USP31: variants seen among roughly 807,000 people sequenced by gnomAD.
USP31 encodes the protein ubiquitin specific peptidase 31.
USP31 carries 44 observed loss-of-function variants against 119.4 expected under a neutral mutation model. The observed-to-expected ratio is 0.37, with a 90% confidence interval of 0.29 to 0.47. The LOEUF (loss-of-function observed/expected upper bound fraction) is 0.47. USP31 is among the 20% of genes least tolerant of loss of function. The probability of loss-of-function intolerance (pLI) is 0.99; values close to 1 mark genes in which losing one functional copy is unlikely to be tolerated. For missense variants in USP31, 1,643 were observed against 1,730.2 expected (o/e 0.95, Z 0.89); for synonymous variants, 749 against 705.6 (o/e 1.06, Z -0.97).
chr16:23,089,615 C>T lies in USP31; in HGVS notation c.1415+1009G>A, dbSNP rs1901263718. Among the ~76,000 whole-genome samples, 6 of 152,326 alleles carry T rather than the reference C, an allele frequency of 3.9e-5. No individual in the cohort carries two copies. In the South Asian group the frequency reaches 1.2e-3, roughly 32 times the overall value. ...TCAAAGCAAAATTTTCAAAGGCTAA[C>T]ATAAAGGCTATTCTAACAAATGTTA... On this transcript the variant is annotated intron_variant, in intron 7 of 15. Coordinates refer to ENST00000219689, the MANE Select transcript of USP31 (RefSeq NM_020718.4).
rs188910019 is a variant in USP31, at chr16:23,136,342, A to G, written c.633+12296T>C. On this transcript the variant is annotated intron_variant, in intron 1 of 15. Transcript: ENST00000219689. ...ACAGGCAACAAAAGAAAAACTAGAA[A>G]AAGTGGACGTCATCAAAATTAAAAA... Among the ~76,000 whole-genome samples the G allele has an allele frequency of 1.6e-4, 24 of 152,304 alleles. No homozygotes were observed. In the East Asian group the frequency reaches 3.5e-3, roughly 22 times the overall value.
chr16:23,128,549 T>C (rs1902936002), intron 1 of USP31, among the ~76,000 whole-genome samples: 1 of 152,212 alleles, frequency 6.6e-6, no homozygotes, highest in South Asian at 2.1e-4. Flanking sequence ...ATCAAGCTTT[T>C]ATCTAGCCTT....
chr16:23,090,898 T>G, intron 6 of USP31, 94 bp from the exon 7 acceptor site: 1 of 1,191,590 alleles, frequency 8.4e-7, no homozygotes, highest in Non-Finnish European at 1.1e-6. Flanking sequence ...AAATTTTTTT[T>G]AAAAATGTCA....
At chr16:23,091,057 G>A (rs1184349260) in intron 6 of USP31, among the ~76,000 whole-genome samples, 3 of 152,134 alleles carry the variant, frequency 2.0e-5, no homozygotes, top group Non-Finnish European at 4.4e-5. Flanking sequence ...GCACTTCAGT[G>A]AAGGTTAGAT....
intron 1 of USP31, among the ~76,000 whole-genome samples, chr16:23,120,578 T>C (rs538409178): frequency 1.3e-4 from 20 of 152,324 alleles, no homozygotes; most frequent in African/African-American, 4.8e-4. Context: ...TACAGCTACA[T>C]CCAGCGGCCT....
chr16:23,070,226 T>C (rs1368889464), intron 15 of USP31, among the ~76,000 whole-genome samples: 1 of 152,078 alleles, frequency 6.6e-6, no homozygotes, highest in Non-Finnish European at 1.5e-5. Context: ...AGAAATGAAG[T>C]CCTTGACCAA....
intron 1 of USP31, among the ~76,000 whole-genome samples, chr16:23,116,026 T>C (rs1902474666): frequency 6.6e-6 from 1 of 152,172 alleles, no homozygotes; most frequent in Non-Finnish European, 1.5e-5. Context: ...CGGTCACTGG[T>C]GATTTCCACC....
rs1011371194 is a variant in USP31 at position 23,149,153 on chromosome 16, C to A, written c.118G>T (p.Gly40Cys). 47 of 1,178,750 alleles carry A rather than the reference C, an allele frequency of 4.0e-5. No homozygotes were observed. The African/African-American group carries it at 6.8e-4, about 17-fold the overall frequency. 73.0% of individuals were successfully genotyped at this position (1,178,750 alleles called of 1,614,324 possible). A position where few individuals can be genotyped will look rare whatever the true frequency, so the allele number is the denominator to read the frequency against. Residue 40 changes from glycine to cysteine, a missense_variant, in exon 1 of 16, where the codon GGC becomes TGC. Transcript: ENST00000219689. ...SGRAGGGGAGGPGASGPAAPS... is the reference protein window; with the variant it reads ...SGRAGGGGAGCPGASGPAAPS... Reference sequence around the variant, plus strand: ...GCGGCCGGCCCGGACGCCCCGGGGCCCCCCGCGCCGCCGCCGCCAGCGCGG... The same window carrying A: ...GCGGCCGGCCCGGACGCCCCGGGGCACCCCGCGCCGCCGCCGCCAGCGCGG...
chr16:23,078,585 A>G (rs2141837182), intron 13 of USP31, among the ~76,000 whole-genome samples: 1 of 151,728 alleles, frequency 6.6e-6, no homozygotes, highest in East Asian at 1.9e-4. Context: ...CACTGCTCAC[A>G]CCTCCACCAC....
In USP31 at chr16:23,127,665, A is replaced by G. The variant is rs887757382; in HGVS notation, c.634-19482T>C. Among the ~76,000 whole-genome samples the G allele has an allele frequency of 2.5e-4, 35 of 138,610 alleles. 2 individuals are homozygous for G. The East Asian group carries it at 7.0e-3, about 28-fold the overall frequency. 90.9% of individuals were successfully genotyped at this position (138,610 alleles called of 152,430 possible). A position where few individuals can be genotyped will look rare whatever the true frequency, so the allele number is the denominator to read the frequency against. Reference sequence around the variant, plus strand: ...TAGTTTTTTTTTTTTTTTTTTGTAGAGACGGGGTTTCACCATCTTGGCCAG... The same window carrying G: ...TAGTTTTTTTTTTTTTTTTTTGTAGGGACGGGGTTTCACCATCTTGGCCAG... On this transcript the variant is annotated intron_variant, in intron 1 of 15. Transcript: ENST00000219689.
chr16:23,091,254 A>G (rs1182990455), intron 6 of USP31, among the ~76,000 whole-genome samples: 2 of 152,248 alleles, frequency 1.3e-5, no homozygotes, highest in Non-Finnish European at 2.9e-5. Flanking sequence ...TACACACTAC[A>G]CCTACTAGAC....
Position 23,068,884 on chromosome 16 carries a change from C to T in USP31, c.3221G>A (p.Arg1074His), listed in dbSNP as rs114633724. 5.3e-5 allele frequency: 84 copies of T among 1,596,164 alleles called. No individual in the cohort carries two copies. Among genetic ancestry groups the T allele is most frequent in the East Asian group, 4.5e-4 (20 of 44,722 alleles). ...VKVSLKPSRS[R>H]SKADSSSRGS... ...CCTGGAAGAAGAATCTGCTTTGCTG[C>T]GGGAGCGGGAGGGCTTTAGAGAGAC... is the stretch of plus-strand genomic sequence containing the variant. Residue 1074 changes from arginine to histidine, a missense_variant, in exon 16 of 16, where the codon CGC (arginine) becomes CAC (histidine). Physicochemically the swap from Arg to His is conservative, Grantham distance 29. Around this residue, in one of 5 missense-constraint regions of USP31, gnomAD observed 699 missense variants for 650.9 expected, o/e 1.07. Transcript: ENST00000219689.
chr16:23,082,361 C>A, intron 12 of USP31, 77 bp downstream of exon 12: 1 of 1,578,848 alleles, frequency 6.3e-7, no homozygotes, highest in Non-Finnish European at 8.6e-7. Flanking sequence ...CCAAAGAACC[C>A]TCACAGAGCC....
At chr16:23,070,858 A>G (rs527251147) in intron 15 of USP31, among the ~76,000 whole-genome samples, 12 of 152,352 alleles carry the variant, frequency 7.9e-5, no homozygotes, top group Middle Eastern at 3.4e-3. Context: ...TATAGAGCCT[A>G]AGAAACAGGC....
intron 9 of USP31, 86 bp downstream of exon 9, chr16:23,087,006 G>A: frequency 9.8e-7 from 1 of 1,025,034 alleles, no homozygotes; most frequent in Non-Finnish European, 1.4e-6. Flanking sequence ...GCACACTTAT[G>A]TGGAAATTAT....
At position 23,068,097 on chromosome 16, in the gene USP31, C is replaced by T. The variant is rs1900157908; in HGVS notation, c.4008G>A (p.Lys1336=). The part of the protein sequence containing the change: ...GRQSAEKSSK[K]LSSSMQTSAR... ...CAGAGGTTTGCATGCTAGAAGATAACTTTTTTGAGGATTTCTCTGCAGACT... is the reference window on the plus strand; with the variant it reads ...CAGAGGTTTGCATGCTAGAAGATAATTTTTTTGAGGATTTCTCTGCAGACT... Residue 1336 remains lysine, a synonymous_variant, in exon 16 of 16, where the codon AAG becomes AAA. Coordinates refer to ENST00000219689, the MANE Select transcript of USP31 (RefSeq NM_020718.4). 6.2e-7 allele frequency: 1 copy of T among 1,614,018 alleles called. No homozygotes were observed. Among genetic ancestry groups the T allele is most frequent in the African/African-American group, 1.3e-5 (1 of 74,912 alleles).
At chr16:23,081,589 A>G (rs1174122141) in intron 12 of USP31, among the ~76,000 whole-genome samples, 1 of 152,188 alleles carries the variant, frequency 6.6e-6, no homozygotes, top group Non-Finnish European at 1.5e-5. Flanking sequence ...TTATCTACAC[A>G]ATATCCAGAA....
chr16:23,112,302 G>C (rs923824392), intron 1 of USP31, among the ~76,000 whole-genome samples: 1 of 152,150 alleles, frequency 6.6e-6, no homozygotes, highest in African/African-American at 2.4e-5. Context: ...AAACGGCCCG[G>C]ACATGGTGGC....
In USP31 at chr16:23,063,180, G is replaced by C. The variant is rs936195851; in HGVS notation, c.*4866C>G. ...TAAAAGAATCTTGAGGAAAATACATGTGTGAGATTCAAAAAAGTCTCTCAA... is the reference window on the plus strand; with the variant it reads ...TAAAAGAATCTTGAGGAAAATACATCTGTGAGATTCAAAAAAGTCTCTCAA... On this transcript the variant is annotated 3_prime_UTR_variant, in exon 16 of 16. Coordinates refer to ENST00000219689, the MANE Select transcript of USP31 (RefSeq NM_020718.4). 1 of 152,184 alleles carries C rather than the reference G, an allele frequency of 6.6e-6. No individual in the cohort carries two copies. Among genetic ancestry groups the C allele is most frequent in the Non-Finnish European group, 1.5e-5 (1 of 68,030 alleles). 9.4% of individuals were successfully genotyped at this position (152,184 alleles called of 1,614,324 possible). A position where few individuals can be genotyped will look rare whatever the true frequency, so the allele number is the denominator to read the frequency against.
Sources: gnomAD v4.1 joint callset for allele counts (sites outside exome capture counted in the v4.1 genomes callset) on GRCh38, gnomAD v4.1.1 for gene constraint, gnomAD v4.1.1 regional missense constraint, MANE v1.5 for transcripts, NCBI Gene and HGNC (gene_info 2026-07-23, HGNC 2026-07-21) for gene names.